Variants in GBE1 observed in about 807,000 individuals in gnomAD.
GBE1 encodes 1,4-alpha-glucan-branching enzyme.
In GBE1, 70 loss-of-function variants were observed where a neutral mutation model predicts 88.8. That is an observed-to-expected ratio of 0.79 (90% CI 0.65 to 0.96). GBE1 has a LOEUF of 0.96. Ranked by LOEUF, GBE1 falls within the 40% of genes least tolerant of loss-of-function variation. The pLI is 0.00. For synonymous variants in GBE1, 284 were observed against 300.1 expected (o/e 0.95, Z 0.56); for missense variants, 872 against 871.0 (o/e 1.00, Z -0.01).
At chr3:81,686,517 G>A (rs1576199607) in intron 2 of GBE1, among the ~76,000 whole-genome samples, 1 of 152,306 alleles carries the variant, frequency 6.6e-6, no homozygotes, top group East Asian at 1.9e-4. Flanking sequence ...AGCACTTCAG[G>A]AGGCTGAGGT....
At chr3:81,640,065 T>G (rs1704648775) in intron 7 of GBE1, among the ~76,000 whole-genome samples, 1 of 152,218 alleles carries the variant, frequency 6.6e-6, no homozygotes, top group Non-Finnish European at 1.5e-5. Context: ...TAAGAAGTAT[T>G]TGTTTAAATG....
chr3:81,712,955 C>G (rs376842665), intron 1 of GBE1, among the ~76,000 whole-genome samples: 1 of 152,008 alleles, frequency 6.6e-6, no homozygotes, highest in South Asian at 2.1e-4. Flanking sequence ...GTTAACCACT[C>G]GAGACTTTAA....
intron 14 of GBE1, among the ~76,000 whole-genome samples, chr3:81,522,592 C>T (rs979180438): frequency 3.3e-5 from 5 of 151,534 alleles, no homozygotes; most frequent in Admixed American, 6.6e-5. Context: ...ACAATTCTCC[C>T]ATTACCTATT....
At chr3:81,676,738 A>C (rs1705261491) in intron 2 of GBE1, among the ~76,000 whole-genome samples, 1 of 152,026 alleles carries the variant, frequency 6.6e-6, no homozygotes, top group South Asian at 2.1e-4. Flanking sequence ...AAAACCTGAT[A>C]TATTTCTAAA....
rs781198373 is a variant in GBE1, at chr3:81,586,127, G to A, written c.1300C>T (p.Arg434Ter). 25 of 1,609,276 alleles carry A rather than the reference G, an allele frequency of 1.6e-5. No individual in the cohort carries two copies. Among genetic ancestry groups the A allele is most frequent in the Admixed American group, 8.4e-5 (5 of 59,204 alleles). ...TTATCTGGAATTGCCATGGCTAGTC[G>A]ATAGTCAAAACCACCCCCTCCCTGG... ...ISQGGGGFDY[R>*]LAMAIPDKWI... Residue 434 changes from arginine to a stop codon, truncating the protein, a stop_gained, in exon 10 of 16, where the codon CGA becomes TGA. Coordinates refer to ENST00000429644, the MANE Select transcript of GBE1 (RefSeq NM_000158.4). LOFTEE classifies it high-confidence loss of function.
intron 2 of GBE1, among the ~76,000 whole-genome samples, chr3:81,699,227 A>G (rs898586476): frequency 2.0e-5 from 3 of 151,814 alleles, no homozygotes; most frequent in African/African-American, 7.3e-5. Context: ...GGGAGTTGAA[A>G]TGTCTATTGA....
intron 7 of GBE1, among the ~76,000 whole-genome samples, chr3:81,637,473 T>C (rs1704607290): frequency 6.6e-6 from 1 of 152,166 alleles, no homozygotes; most frequent in African/African-American, 2.4e-5. Flanking sequence ...CTGACAAACA[T>C]ATGCTCCAAG....
intron 2 of GBE1, among the ~76,000 whole-genome samples, chr3:81,689,021 G>A (rs1705481799): frequency 6.6e-6 from 1 of 152,044 alleles, no homozygotes; most frequent in Non-Finnish European, 1.5e-5. Context: ...AACACTAGTA[G>A]CATCTAAAAT....
chr3:81,588,632 C>A (rs1703832168), intron 9 of GBE1, among the ~76,000 whole-genome samples: 1 of 151,800 alleles, frequency 6.6e-6, no homozygotes, highest in African/African-American at 2.4e-5. Context: ...CAAGTCTTCT[C>A]AAAAAAAAGT....
chr3:81,577,856 T>G (rs1445313557), intron 12 of GBE1, 69 bp downstream of exon 12: 8 of 1,253,340 alleles, frequency 6.4e-6, no homozygotes, highest in Admixed American at 2.7e-5. Flanking sequence ...CAAAATATTC[T>G]ACATGATTTA....
At chr3:81,754,514 C>CA (rs61660989) in intron 1 of GBE1, among the ~76,000 whole-genome samples, 17,664 of 79,062 alleles carry the variant, frequency 0.22, 1,199 homozygotes, top group Non-Finnish European at 0.28. Flanking sequence ...TAAATCTTAG[C>CA]AAAAAAAAAA....
intron 3 of GBE1, among the ~76,000 whole-genome samples, chr3:81,658,841 C>T (rs1317888670): frequency 6.6e-6 from 1 of 152,034 alleles, no homozygotes; most frequent in African/African-American, 2.4e-5. Flanking sequence ...GCATTGAAAA[C>T]GATATCCCTG....
chr3:81,558,616 A>G (rs971127558), intron 12 of GBE1, among the ~76,000 whole-genome samples: 2 of 152,020 alleles, frequency 1.3e-5, no homozygotes, highest in African/African-American at 2.4e-5. Context: ...AATATTTGTG[A>G]CTCATGAGGA....
At chr3:81,585,285 G>A (rs1215314617) in intron 10 of GBE1, among the ~76,000 whole-genome samples, 2 of 152,016 alleles carry the variant, frequency 1.3e-5, no homozygotes, top group African/African-American at 2.4e-5. Context: ...TTAAGAGTAG[G>A]CGCTACAGTT....
At chr3:81,700,640 G>A (rs189043154) in intron 2 of GBE1, among the ~76,000 whole-genome samples, 5 of 152,100 alleles carry the variant, frequency 3.3e-5, no homozygotes, top group East Asian at 3.9e-4. Context: ...TTCAGAGCAC[G>A]TGGGATTAAG....
intron 7 of GBE1, among the ~76,000 whole-genome samples, chr3:81,617,987 G>A (rs1397773335): frequency 6.6e-6 from 1 of 151,968 alleles, no homozygotes; most frequent in Non-Finnish European, 1.5e-5. Flanking sequence ...ATTACCAAAT[G>A]TATGTATGTA....
chr3:81,597,074 G>C (rs773110175), intron 7 of GBE1, among the ~76,000 whole-genome samples: 13 of 151,824 alleles, frequency 8.6e-5, no homozygotes, highest in Non-Finnish European at 1.9e-4. Context: ...GTTCTCTCTA[G>C]TAGTAAATGA....
chr3:81,552,501 A>G (rs1454391205), intron 12 of GBE1, among the ~76,000 whole-genome samples: 1 of 142,634 alleles, frequency 7.0e-6, no homozygotes, highest in African/African-American at 2.6e-5. Context: ...TGGGAGACAG[A>G]GCAAGGCTCT....
chr3:81,586,092 C>A lies in GBE1; in HGVS notation c.1335G>T (p.Gln445His). ...LAMAIPDKWI[Q>H]LLKEFKDEDW... is the part of the protein sequence containing the mutation. ...AAAAAATATTTACATGGACTCTTAC[C>A]TGAATCCACTTATCTGGAATTGCCA... is the stretch of plus-strand genomic sequence containing the variant. Residue 445 changes from glutamine (Q) to histidine (H), a missense_variant and splice_region_variant, in exon 10 of 16, where the codon CAG becomes CAT. Physicochemically the swap from Gln to His is conservative, Grantham distance 24 (BLOSUM62 0). Transcript: ENST00000429644. 1.3e-6 allele frequency: 2 copies of A among 1,583,564 alleles called. No individual in the cohort carries two copies. Among genetic ancestry groups the A allele is most frequent in the South Asian group, 2.3e-5 (2 of 88,300 alleles).
Sources: gnomAD v4.1 joint callset for allele counts (sites outside exome capture counted in the v4.1 genomes callset) on GRCh38, gnomAD v4.1.1 for gene constraint, MANE v1.5 for transcripts, NCBI Gene and HGNC (gene_info 2026-07-23, HGNC 2026-07-21) for gene names.